Variants in AFF2 observed in about 807,000 individuals in gnomAD.
AFF2 encodes the protein AF4/FMR2 family member 2.
A neutral mutation model predicts 76.9 loss-of-function variants in AFF2; 14 were observed. The observed-to-expected ratio is 0.18, with a 90% CI of 0.12 to 0.28. AFF2 has a LOEUF of 0.28. Ranked by LOEUF, AFF2 falls within the 10% of genes least tolerant of loss-of-function variation. The pLI is 1.00. For synonymous variants in AFF2, 398 were observed against 366.7 expected (o/e 1.09, Z -0.98); for missense variants, 868 against 1,001.1 (o/e 0.87, Z 1.79).
chrX:148,738,264 G>A (rs782361402), intron 3 of AFF2, among the ~76,000 whole-genome samples: 19 of 110,193 alleles, frequency 1.7e-4, no homozygotes, highest in South Asian at 7.7e-4. Flanking sequence ...TTTTTTTGTC[G>A]GTAATTTTTA....
intron 1 of AFF2, among the ~76,000 whole-genome samples, chrX:148,579,104 T>C (rs1486345792): frequency 8.0e-5 from 9 of 111,861 alleles, no homozygotes; most frequent in African/African-American, 2.6e-4. Flanking sequence ...TGTAAACTTA[T>C]AGAAAATGTG....
intron 3 of AFF2, among the ~76,000 whole-genome samples, chrX:148,668,436 C>T (rs782730382): frequency 8.9e-6 from 1 of 112,875 alleles, no homozygotes; most frequent in East Asian, 2.8e-4. Context: ...CCACATTTCC[C>T]TTTCACATTG....
intron 1 of AFF2, among the ~76,000 whole-genome samples, chrX:148,519,933 T>A (rs1428507238): frequency 1.8e-5 from 2 of 112,504 alleles, no homozygotes; most frequent in Non-Finnish European, 3.8e-5. Context: ...TTTTTTAGAA[T>A]AAAATAATTA....
At chrX:148,981,591 C>T (rs1476198842) in intron 19 of AFF2, among the ~76,000 whole-genome samples, 1 of 111,363 alleles carries the variant, frequency 9.0e-6, no homozygotes, top group Admixed American at 9.5e-5. Flanking sequence ...AGCTAACTTG[C>T]CTGAGCATCA....
chrX:148,820,263 G>C (rs1169315189), intron 4 of AFF2, among the ~76,000 whole-genome samples: 2 of 111,457 alleles, frequency 1.8e-5, no homozygotes, highest in African/African-American at 6.5e-5. Context: ...TGGTCAATGT[G>C]CCTCTCCATT....
chrX:148,918,378 T>C (rs782738298), intron 9 of AFF2, among the ~76,000 whole-genome samples: 1 of 112,012 alleles, frequency 8.9e-6, no homozygotes, highest in African/African-American at 3.2e-5. Context: ...TAACATAATA[T>C]AGGACACTCA....
At chrX:148,941,383 T>C (rs2071832233) in intron 9 of AFF2, among the ~76,000 whole-genome samples, 4 of 111,785 alleles carry the variant, frequency 3.6e-5, no homozygotes, top group Admixed American at 1.9e-4. Flanking sequence ...AATCATCAAC[T>C]AGAGAGGGAG....
chrX:148,978,353 T>C lies in AFF2; in HGVS notation c.3477-9T>C. 8.5e-7 allele frequency: 1 copy of C among 1,182,871 alleles called. No individual in the cohort carries two copies. On this transcript the variant is annotated splice_polypyrimidine_tract_variant and intron_variant, in intron 17 of 20. Transcript: ENST00000370460. ...TGGCATTAACAGAAGCCTTTCCTCATCACCACAGCTACCGATGTTTATCAC... is the reference window on the plus strand; with the variant it reads ...TGGCATTAACAGAAGCCTTTCCTCACCACCACAGCTACCGATGTTTATCAC...
intron 9 of AFF2, among the ~76,000 whole-genome samples, chrX:148,937,654 C>G (rs1221080275): frequency 8.9e-6 from 1 of 111,911 alleles, no homozygotes; most frequent in African/African-American, 3.3e-5. Context: ...GTTATTCACA[C>G]AAACAGAGTG....
intron 1 of AFF2, among the ~76,000 whole-genome samples, chrX:148,602,165 G>C (rs781825821): frequency 3.4e-4 from 38 of 111,946 alleles, no homozygotes; most frequent in African/African-American, 1.2e-3. Flanking sequence ...TATAGCAAAT[G>C]CAAAGGCTCT....
At chrX:148,802,135 G>A (rs2070067579) in intron 3 of AFF2, among the ~76,000 whole-genome samples, 2 of 111,909 alleles carry the variant, frequency 1.8e-5, no homozygotes, top group African/African-American at 6.5e-5. Flanking sequence ...TGCGGAGTGT[G>A]GCCTCCTGGC....
chrX:148,659,048 A>G (rs2054280011), intron 2 of AFF2, among the ~76,000 whole-genome samples: 1 of 112,154 alleles, frequency 8.9e-6, no homozygotes, highest in Non-Finnish European at 1.9e-5. Context: ...TAAGTGTAGT[A>G]TACACTGTGT....
intron 2 of AFF2, among the ~76,000 whole-genome samples, chrX:148,655,288 T>TG (rs1220869237): frequency 9.4e-6 from 1 of 106,231 alleles, no homozygotes; most frequent in African/African-American, 3.4e-5. Flanking sequence ...CCTTGTCCTT[T>TG]TTTTTTTTTT....
intron 7 of AFF2, among the ~76,000 whole-genome samples, chrX:148,875,281 AG>A (rs1349796223): frequency 8.9e-6 from 1 of 112,587 alleles, no homozygotes; most frequent in Non-Finnish European, 1.9e-5. Flanking sequence ...GCATTTATAA[AG>A]CTTGCAGACA....
At chrX:148,975,772 G>T (rs992627622) in intron 16 of AFF2, among the ~76,000 whole-genome samples, 1 of 101,471 alleles carries the variant, frequency 9.9e-6, no homozygotes, top group Non-Finnish European at 2.0e-5. Context: ...GTGAAACCCC[G>T]TCTCTACTAA....
At chrX:148,655,010 T>G (rs1557256853) in intron 2 of AFF2, among the ~76,000 whole-genome samples, 1 of 111,547 alleles carries the variant, frequency 9.0e-6, no homozygotes, top group African/African-American at 3.3e-5. Context: ...TCACGATGAA[T>G]TGATGGTCTT....
chrX:148,705,483 G>A (rs2054872480), intron 3 of AFF2, among the ~76,000 whole-genome samples: 1 of 112,167 alleles, frequency 8.9e-6, no homozygotes, highest in African/African-American at 3.2e-5. Flanking sequence ...CTGTGCCACA[G>A]GAGTTTCACT....
At chrX:148,766,353 G>C (rs368733188) in intron 3 of AFF2, among the ~76,000 whole-genome samples, 33 of 110,086 alleles carry the variant, frequency 3.0e-4, no homozygotes, top group East Asian at 1.2e-3. Context: ...TCTCCACATC[G>C]TCTCCAGCAC....
chrX:148,632,188 G>A (rs1408935243), intron 1 of AFF2, among the ~76,000 whole-genome samples: 8 of 111,963 alleles, frequency 7.1e-5, no homozygotes, highest in African/African-American at 2.6e-4. Context: ...TTGACGTTAA[G>A]CCAAATTTTG....
Sources: allele counts gnomAD v4.1 joint callset (sites outside exome capture counted in the v4.1 genomes callset), GRCh38; gene constraint gnomAD v4.1.1; transcripts MANE v1.5; gene names NCBI Gene and HGNC (gene_info 2026-07-23, HGNC 2026-07-21).